The following PREX1 variants were observed in gnomAD, a reference collection of about 807,000 sequenced individuals.
PREX1 encodes phosphatidylinositol 3,4,5-trisphosphate-dependent Rac exchanger 1 protein.
Under a neutral mutation model 198.3 loss-of-function variants are expected in PREX1, and 41 were observed. The ratio of observed to expected loss-of-function variants is 0.21; its 90% confidence interval spans 0.16 to 0.27. The LOEUF is 0.27. Ranked by LOEUF, PREX1 falls within the 10% of genes least tolerant of loss-of-function variation. PREX1 has a pLI of 1.00. For synonymous variants in PREX1, 843 were observed against 887.2 expected, an observed-to-expected ratio of 0.95 and a Z score of 0.89; for missense variants, 1,620 against 2,200.7, an observed-to-expected ratio of 0.74 and a Z score of 5.28.
chr20:48,741,144 A>C (rs1008459288), intron 3 of PREX1, among the ~76,000 whole-genome samples: 1 of 152,162 alleles, frequency 6.6e-6, no homozygotes, highest in Non-Finnish European at 1.5e-5. Context: ...AGCATTAAAC[A>C]AATAATAATA....
chr20:48,729,821 C>A lies in PREX1; in HGVS notation c.520-3430G>T, dbSNP rs985549116. 2.0e-4 allele frequency among the ~76,000 whole-genome samples: 30 copies of A among 152,190 alleles called. 1 individual carries two copies. Among genetic ancestry groups the A allele is most frequent in the Admixed American group, 1.6e-3 (25 of 15,292 alleles). On this transcript the variant is annotated intron_variant, in intron 4 of 39. Coordinates refer to ENST00000371941, the MANE Select transcript of PREX1 (RefSeq NM_020820.4). The stretch of plus-strand genomic sequence containing the variant: ...TGTTCCCCAAAATGCCAGGCCCCCA[C>A]AAAACCTCAAAATGCAACCTTATTT...
chr20:48,648,653 T>G (rs556297478), intron 25 of PREX1, among the ~76,000 whole-genome samples: 7 of 152,188 alleles, frequency 4.6e-5, no homozygotes, highest in Non-Finnish European at 8.8e-5. Flanking sequence ...AGAAACCTGC[T>G]AAGCAGGTTC....
At chr20:48,795,388 T>TC (rs1186311307) in intron 1 of PREX1, among the ~76,000 whole-genome samples, 1 of 152,150 alleles carries the variant, frequency 6.6e-6, no homozygotes, top group East Asian at 1.9e-4. Context: ...CCAGTGACTT[T>TC]CAAATGAGGG....
At chr20:48,845,322 T>C in the PREX1 span, among the ~76,000 whole-genome samples, 2 of 152,098 alleles carry the variant, frequency 1.3e-5, no homozygotes, top group Non-Finnish European at 2.9e-5. Flanking sequence ...CACACCTAGA[T>C]AAGGTGATCA....
rs147568371 is a variant in PREX1, at chr20:48,725,608, G to A, written c.621+682C>T. On this transcript the variant is annotated intron_variant, in intron 5 of 39. Coordinates refer to ENST00000371941, the MANE Select transcript of PREX1 (RefSeq NM_020820.4). Reference sequence around the variant, plus strand: ...AACAGCTCAGACTTTGGTCACGTGGGGTTCATCTGTCCTCACTCATGGCCT... The same window carrying A: ...AACAGCTCAGACTTTGGTCACGTGGAGTTCATCTGTCCTCACTCATGGCCT... Among the ~76,000 whole-genome samples the A allele has an allele frequency of 9.7e-4, 148 of 152,358 alleles. 1 individual carries two copies. The highest frequency in any genetic ancestry group is 3.4e-3 in the African/African-American group (140 of 41,584).
At chr20:48,807,169 T>C (rs1266464340) in intron 1 of PREX1, among the ~76,000 whole-genome samples, 1 of 152,190 alleles carries the variant, frequency 6.6e-6, no homozygotes, top group African/African-American at 2.4e-5. Context: ...CAAAAAAGTA[T>C]ACAAAGATAA....
intron 21 of PREX1, 60 bp downstream of exon 21, chr20:48,652,526 A>G (rs1601046450): frequency 2.6e-6 from 4 of 1,536,170 alleles, no homozygotes; most frequent in Non-Finnish European, 3.5e-6. Context: ...GAGAGGACCC[A>G]GCCCCTCCGG....
At chr20:48,633,682 C>A (rs1192845712) in intron 33 of PREX1, among the ~76,000 whole-genome samples, 1 of 152,124 alleles carries the variant, frequency 6.6e-6, no homozygotes, top group Non-Finnish European at 1.5e-5. Context: ...GCTCTGAGAA[C>A]CCCTGCTTTC....
chr20:48,780,662 A>G (rs2090285030), intron 1 of PREX1, among the ~76,000 whole-genome samples: 1 of 152,152 alleles, frequency 6.6e-6, no homozygotes, highest in Non-Finnish European at 1.5e-5. Flanking sequence ...CTTTTTACAC[A>G]AGGATTTTAG....
chr20:48,780,256 A>T (rs13044335), intron 1 of PREX1, among the ~76,000 whole-genome samples: 2 of 152,124 alleles, frequency 1.3e-5, no homozygotes, highest in Non-Finnish European at 2.9e-5. Flanking sequence ...GGTTGATTTC[A>T]GGGCTGAGGC....
chr20:48,639,714 C>A (rs2089393440), intron 30 of PREX1, 52 bp downstream of exon 30: 3 of 1,598,960 alleles, frequency 1.9e-6, no homozygotes, highest in Non-Finnish European at 2.6e-6. Flanking sequence ...AGGTTCCACA[C>A]CAAAAGCCAT....
At chr20:48,847,990 G>T in the PREX1 span, among the ~76,000 whole-genome samples, 1 of 152,188 alleles carries the variant, frequency 6.6e-6, no homozygotes, top group Non-Finnish European at 1.5e-5. Context: ...AAATCACAGT[G>T]TGTTCATCCT....
At chr20:48,815,864 G>C (rs538046679) in intron 1 of PREX1, among the ~76,000 whole-genome samples, 1 of 152,108 alleles carries the variant, frequency 6.6e-6, no homozygotes, top group South Asian at 2.1e-4. Flanking sequence ...ACAAAAATCA[G>C]CCAGACGTGT....
chr20:48,696,622 T>C (rs939341456), intron 7 of PREX1, among the ~76,000 whole-genome samples: 1 of 151,392 alleles, frequency 6.6e-6, no homozygotes, highest in Non-Finnish European at 1.5e-5. Context: ...CATACATACA[T>C]ACATACATAC....
intron 5 of PREX1, among the ~76,000 whole-genome samples, chr20:48,723,808 A>G (rs2089997776): frequency 6.6e-6 from 1 of 152,186 alleles, no homozygotes; most frequent in African/African-American, 2.4e-5. Context: ...AACAGGCCTC[A>G]GAAATGCCTG....
At chr20:48,880,922 AG>A in the PREX1 span, among the ~76,000 whole-genome samples, 2 of 142,778 alleles carry the variant, frequency 1.4e-5, no homozygotes, top group African/African-American at 2.6e-5. Context: ...TGATAGCAGA[AG>A]GGGAATCTAT....
chr20:48,707,883 T>C (rs1036653317), intron 6 of PREX1, among the ~76,000 whole-genome samples: 1 of 152,166 alleles, frequency 6.6e-6, no homozygotes, highest in Non-Finnish European at 1.5e-5. Context: ...GCCAGAATTC[T>C]GTCCTGGAGT....
intron 19 of PREX1, among the ~76,000 whole-genome samples, chr20:48,654,605 G>A (rs1364432631): frequency 6.6e-6 from 1 of 152,228 alleles, no homozygotes; most frequent in Non-Finnish European, 1.5e-5. Flanking sequence ...ACTGCTTTAG[G>A]ACAAAATGAA....
intron 5 of PREX1, 101 bp downstream of exon 5, chr20:48,726,189 C>A: frequency 1.0e-6 from 1 of 964,682 alleles, no homozygotes; most frequent in Admixed American, 2.1e-5. Flanking sequence ...CGGCCCAAAG[C>A]TGACACTGCT....
Sources: allele counts gnomAD v4.1 joint callset (sites outside exome capture counted in the v4.1 genomes callset), GRCh38; gene constraint gnomAD v4.1.1; transcripts MANE v1.5; gene names NCBI Gene and HGNC (gene_info 2026-07-23, HGNC 2026-07-21).